The following ZNF800 variants were observed in gnomAD, a reference collection of about 807,000 sequenced individuals.
The protein encoded by ZNF800 is zinc finger protein 800.
A neutral mutation model predicts 59.5 loss-of-function variants in ZNF800; 13 were observed. The ratio of observed to expected loss-of-function variants is 0.22; its 90% confidence interval spans 0.14 to 0.35. ZNF800 has a LOEUF of 0.35. Among genes scored for constraint, ZNF800 ranks in the 10% least tolerant of loss-of-function variants. The pLI, the probability that ZNF800 is intolerant of heterozygous loss-of-function variation, is 1.00. For synonymous variants in ZNF800, 266 were observed against 265.7 expected, an observed-to-expected ratio of 1.00 and a Z score of -0.01; for missense variants, 621 against 783.7, an observed-to-expected ratio of 0.79 and a Z score of 2.48.
intron 1 of ZNF800, among the ~76,000 whole-genome samples, chr7:127,349,492 CAGGCT>C (rs1436977006): frequency 3.3e-5 from 5 of 152,116 alleles, no homozygotes; most frequent in African/African-American, 9.7e-5. Context: ...TCAGAGTTGT[CAGGCT>C]GATTTTATCT....
chr7:127,389,645 T>C (rs1294799780), intron 2 of ZNF800, among the ~76,000 whole-genome samples: 1 of 152,202 alleles, frequency 6.6e-6, no homozygotes, highest in Non-Finnish European at 1.5e-5. Flanking sequence ...CAAAGTTCTA[T>C]TTATCCATTC....
intron 2 of ZNF800, among the ~76,000 whole-genome samples, chr7:127,391,227 G>A (rs180849745): frequency 2.2e-3 from 339 of 152,150 alleles, no homozygotes; most frequent in Non-Finnish European, 4.1e-3. Context: ...ATTAACTGCA[G>A]GATGCCTTGA....
intron 3 of ZNF800, among the ~76,000 whole-genome samples, chr7:127,385,323 C>T (rs1481057456): frequency 6.6e-6 from 1 of 152,152 alleles, no homozygotes; most frequent in Non-Finnish European, 1.5e-5. Flanking sequence ...AAGCCAAATA[C>T]ACAAGGGGTG....
chr7:127,386,464 C>T (rs926433706), intron 2 of ZNF800, among the ~76,000 whole-genome samples: 1 of 152,220 alleles, frequency 6.6e-6, no homozygotes, highest in African/African-American at 2.4e-5. Context: ...ATACATTCTT[C>T]ATGTTTGCCT....
chr7:127,372,423 T>G (rs546626336), intron 5 of ZNF800, among the ~76,000 whole-genome samples: 1 of 147,588 alleles, frequency 6.8e-6, no homozygotes, highest in Non-Finnish European at 1.5e-5. Context: ...GAAGGTGTAG[T>G]GAGCCGAGAT....
intron 2 of ZNF800, among the ~76,000 whole-genome samples, chr7:127,390,687 G>GCCTA (rs1209069339): frequency 1.3e-5 from 2 of 152,102 alleles, no homozygotes; most frequent in African/African-American, 4.8e-5. Context: ...AACTAGAATA[G>GCCTA]CCTAGCCTTT....
intron 5 of ZNF800, among the ~76,000 whole-genome samples, chr7:127,372,058 C>G (rs1440825245): frequency 6.6e-6 from 1 of 152,140 alleles, no homozygotes; most frequent in Non-Finnish European, 1.5e-5. Flanking sequence ...TGCCTTAATA[C>G]AGGGGACACA....
chr7:127,376,575 G>A lies in ZNF800; in HGVS notation c.301+611C>T, dbSNP rs548512288. Among the ~76,000 whole-genome samples, 3 of 151,890 alleles carry A rather than the reference G, an allele frequency of 2.0e-5. No homozygotes were observed. In the South Asian group the frequency reaches 6.2e-4, roughly 32 times the overall value. On this transcript the variant is annotated intron_variant, in intron 4 of 5. Transcript: ENST00000265827. ...TGCCTTTATCACATAAAGTTATACT[G>A]GATCTCAAGTTAGCCTGTAACATAA...
At chr7:127,350,334 A>G (rs1800147694) in intron 1 of ZNF800, 1 of 152,218 alleles carries the variant, frequency 6.6e-6, no homozygotes, top group African/African-American at 2.4e-5. Flanking sequence ...AAGAAAAATG[A>G]CTGTTTCCTG....
chr7:127,389,459 T>C (rs1453898511), intron 2 of ZNF800, among the ~76,000 whole-genome samples: 1 of 152,226 alleles, frequency 6.6e-6, no homozygotes, highest in Non-Finnish European at 1.5e-5. Context: ...CCAGTATTCA[T>C]AATCCAAATG....
In ZNF800 at chr7:127,373,428, A is replaced by G. The variant is rs1486889980; in HGVS notation, c.1908T>C (p.His636=). 1.2e-6 allele frequency: 2 copies of G among 1,613,956 alleles called. No individual in the cohort carries two copies. Among genetic ancestry groups the G allele is most frequent in the African/African-American group, 2.7e-5 (2 of 74,904 alleles). The change falls in exon 5 of 6, where the codon CAT becomes CAC. Residue 636 remains histidine, a synonymous_variant. Coordinates refer to ENST00000265827, the MANE Select transcript of ZNF800 (RefSeq NM_176814.5). ...AFAKKTYLEH[H]KKTHKANASN... is the part of the protein sequence containing the mutation. The stretch of plus-strand genomic sequence containing the variant: ...AAGCATTTGCCTTATGAGTTTTCTT[A>G]TGATGTTCAAGGTAAGTCTTTTTGG...
chr7:127,385,897 A>G (rs1156735372), intron 3 of ZNF800, among the ~76,000 whole-genome samples, 163 bp downstream of exon 3: 1 of 152,168 alleles, frequency 6.6e-6, no homozygotes, highest in African/African-American at 2.4e-5. Context: ...AGACCAAGTC[A>G]GTATTTATAC....
intron 2 of ZNF800, among the ~76,000 whole-genome samples, chr7:127,390,935 T>C (rs963523954): frequency 5.3e-5 from 8 of 152,168 alleles, no homozygotes; most frequent in African/African-American, 7.2e-5. Context: ...TCTACCTAAA[T>C]AAAAAAAGAG....
rs534495390 is a variant in ZNF800 at position 127,372,605 on chromosome 7, A to G, written c.1994+737T>C. ...TATTAACTATGTTAAAATGATCACC[A>G]AAAAGTTTATTAAAAAGAGAGGGGA... On this transcript the variant is annotated intron_variant, in intron 5 of 5. Transcript: ENST00000265827. 60 of 984,192 alleles carry G rather than the reference A, an allele frequency of 6.1e-5. No homozygotes were observed. In the South Asian group the frequency reaches 2.5e-3, roughly 41 times the overall value. The allele number at this position is 984,192 out of a possible 1,614,324, so 61.0% of individuals were successfully genotyped here.
At chr7:127,379,833 G>GCCCC (rs1184865878) in intron 3 of ZNF800, among the ~76,000 whole-genome samples, 292 of 12,590 alleles carry the variant, frequency 0.023, 24 homozygotes, top group East Asian at 0.093. Flanking sequence ...CCTTACCCTT[G>GCCCC]CCACCCCCCC....
chr7:127,379,832 T>C (rs58094349), intron 3 of ZNF800, among the ~76,000 whole-genome samples: 35,490 of 53,518 alleles, frequency 0.66, 12,667 homozygotes, highest in East Asian at 0.9. Flanking sequence ...CCCTTACCCT[T>C]GCCACCCCCC....
chr7:127,378,818 C>T (rs939070930), intron 3 of ZNF800, among the ~76,000 whole-genome samples: 1 of 151,780 alleles, frequency 6.6e-6, no homozygotes, highest in Non-Finnish European at 1.5e-5. Flanking sequence ...CACAACTTTA[C>T]TAAGTCTTGA....
chr7:127,378,133 T>C (rs1248209352), intron 3 of ZNF800, among the ~76,000 whole-genome samples: 1 of 152,106 alleles, frequency 6.6e-6, no homozygotes, highest in African/African-American at 2.4e-5. Context: ...GCCTATCTTA[T>C]TTACAAGTGT....
intron 1 of ZNF800, among the ~76,000 whole-genome samples, chr7:127,348,921 A>G (rs1800121347): frequency 6.6e-6 from 1 of 152,252 alleles, no homozygotes. Flanking sequence ...AAGAGTCCAC[A>G]AAAGTAGTTT....
Sources: allele counts gnomAD v4.1 joint callset (sites outside exome capture counted in the v4.1 genomes callset), GRCh38; gene constraint gnomAD v4.1.1; transcripts MANE v1.5; gene names NCBI Gene and HGNC (gene_info 2026-07-23, HGNC 2026-07-21).